COLEC12: variants seen among roughly 807,000 people sequenced by gnomAD.
The protein encoded by COLEC12 is collectin-12.
In COLEC12, 33 loss-of-function variants were observed where a neutral mutation model predicts 71.1. The ratio of observed to expected loss-of-function variants is 0.46; its 90% CI spans 0.35 to 0.62. The LOEUF (loss-of-function observed/expected upper bound fraction) is 0.62. Among genes scored for constraint, COLEC12 ranks in the 20% least tolerant of loss-of-function variants. COLEC12 has a pLI of 0.00. For missense variants in COLEC12, 765 were observed against 916.1 expected (o/e 0.84, Z 2.13); for synonymous variants, 350 against 353.0 (o/e 0.99, Z 0.10).
rs1413812255 is a variant in COLEC12, at chr18:375,963, T to C, written c.59-18441A>G. 5.9e-5 allele frequency among the ~76,000 whole-genome samples: 9 copies of C among 152,344 alleles called. No individual in the cohort carries two copies. In the South Asian group the frequency reaches 1.9e-3, roughly 32 times the overall value. On this transcript the variant is annotated intron_variant, in intron 2 of 9. Coordinates refer to ENST00000400256, the MANE Select transcript of COLEC12 (RefSeq NM_130386.3). ...GTTTTAAATTTTATGATGAAGGCAA[T>C]TGGGTAGTTATTACCATATCCATCT...
rs1200234849 is a variant in COLEC12, at chr18:362,232, T to C, written c.59-4710A>G. Among the ~76,000 whole-genome samples, 1 of 152,162 alleles carries C rather than the reference T, an allele frequency of 6.6e-6. No individual in the cohort carries two copies. The highest frequency in any genetic ancestry group is 1.5e-5 in the Non-Finnish European group (1 of 68,020). ...GGGGCACTTCCTCACCGTGTGCATTTCTCACTGCTGACTCTATCAGCATTT... is the reference window on the plus strand; with the variant it reads ...GGGGCACTTCCTCACCGTGTGCATTCCTCACTGCTGACTCTATCAGCATTT... On this transcript the variant is annotated intron_variant, in intron 2 of 9. Coordinates refer to ENST00000400256, the MANE Select transcript of COLEC12 (RefSeq NM_130386.3). The surrounding 1 kb of genome is among the most constrained non-coding windows in gnomAD (Gnocchi z 4.6).
chr18:461,839 T>G (rs1916989410), intron 2 of COLEC12, among the ~76,000 whole-genome samples: 1 of 152,196 alleles, frequency 6.6e-6, no homozygotes, highest in Non-Finnish European at 1.5e-5. Flanking sequence ...GGTACAGCAC[T>G]GCCCTGTACT....
At chr18:470,803 T>C (rs1487910438) in intron 2 of COLEC12, among the ~76,000 whole-genome samples, 1 of 152,194 alleles carries the variant, frequency 6.6e-6, no homozygotes, top group South Asian at 2.1e-4. Flanking sequence ...GGGAACAATA[T>C]AGTTATTTCT....
Position 381,052 on chromosome 18 carries a change from T to C in COLEC12, c.59-23530A>G, listed in dbSNP as rs575276266. Among the ~76,000 whole-genome samples the C allele has an allele frequency of 3.3e-5, 5 of 152,242 alleles. No homozygotes were observed. In the East Asian group the frequency reaches 9.7e-4, roughly 29 times the overall value. ...AAGAGCCACAGAATGTCAAAAGTGC[T>C]GAGAGAAGAAGTTGAGCCTTCTATA... On this transcript the variant is annotated intron_variant, in intron 2 of 9. Transcript: ENST00000400256.
At chr18:481,513 TGG>T (rs771408447) in intron 1 of COLEC12, among the ~76,000 whole-genome samples, 1,635 of 152,312 alleles carry the variant, frequency 0.011, 10 homozygotes, top group Non-Finnish European at 0.017. Context: ...GAGCCCAGCC[TGG>T]CCAACATGGT....
chr18:460,722 C>T (rs1445369396), intron 2 of COLEC12, among the ~76,000 whole-genome samples: 2 of 152,170 alleles, frequency 1.3e-5, no homozygotes, highest in African/African-American at 4.8e-5. Flanking sequence ...AAGGATGACC[C>T]AGTCACCAAC....
intron 2 of COLEC12, among the ~76,000 whole-genome samples, chr18:417,683 C>T (rs758387802): frequency 5.3e-5 from 8 of 152,260 alleles, no homozygotes; most frequent in Admixed American, 6.5e-5. Context: ...GTTAGAAACA[C>T]GATACACAGA....
At chr18:369,655 G>A (rs533355168) in intron 2 of COLEC12, among the ~76,000 whole-genome samples, 1 of 152,016 alleles carries the variant, frequency 6.6e-6, no homozygotes, top group South Asian at 2.1e-4. Flanking sequence ...ATGGAAACAA[G>A]GTAAATTTCA....
At chr18:389,980 T>C (rs927545885) in intron 2 of COLEC12, among the ~76,000 whole-genome samples, 2 of 152,376 alleles carry the variant, frequency 1.3e-5, no homozygotes, top group Middle Eastern at 3.4e-3. Context: ...GAGTGACTTT[T>C]GTTCTAATTT....
chr18:334,944 G>A lies in COLEC12; in HGVS notation c.1614C>T (p.Pro538=), dbSNP rs199637152. 27 of 1,570,204 alleles carry A rather than the reference G, an allele frequency of 1.7e-5. No homozygotes were observed. The highest frequency in any genetic ancestry group is 1.2e-4 in the East Asian group (5 of 42,668). Residue 538 remains proline (P), a synonymous_variant, in exon 6 of 10, where the codon CCC becomes CCT. Coordinates refer to ENST00000400256, the MANE Select transcript of COLEC12 (RefSeq NM_130386.3). Reference sequence around the variant, plus strand: ...GGAAGCCAGGAGGGCCCTGAGGGCCGGGGAGTCCCTCTTTGCCTGGTGGGC... The same window carrying A: ...GGAAGCCAGGAGGGCCCTGAGGGCCAGGGAGTCCCTCTTTGCCTGGTGGGC... ...PPGPPGKEGL[P]GPQGPPGFQG...
At chr18:369,436 T>TATTTTA (rs1201717552) in intron 2 of COLEC12, among the ~76,000 whole-genome samples, 1 of 129,142 alleles carries the variant, frequency 7.7e-6, no homozygotes, top group Non-Finnish European at 1.6e-5. Context: ...TTTTTATTTT[T>TATTTTA]TTTTGGAATA....
intron 8 of COLEC12, among the ~76,000 whole-genome samples, chr18:331,409 T>C (rs1486976383): frequency 6.6e-6 from 1 of 152,208 alleles, no homozygotes; most frequent in East Asian, 1.9e-4. Context: ...TGTGGTTTTA[T>C]GAGTTTCATG....
At chr18:358,081 A>G (rs1358307019) in intron 2 of COLEC12, among the ~76,000 whole-genome samples, 1 of 152,166 alleles carries the variant, frequency 6.6e-6, no homozygotes, top group Non-Finnish European at 1.5e-5. Flanking sequence ...ATGCCTGATG[A>G]TCTCAGGTGG....
intron 2 of COLEC12, among the ~76,000 whole-genome samples, chr18:406,910 C>T (rs1049065270): frequency 4.6e-5 from 7 of 152,242 alleles, no homozygotes; most frequent in African/African-American, 9.6e-5. Flanking sequence ...GGAGCGATGA[C>T]GGGACAATGT....
chr18:470,220 A>ATTTTTTTTTTTTTTTT (rs71174234), intron 2 of COLEC12, among the ~76,000 whole-genome samples: 1 of 92,354 alleles, frequency 1.1e-5, no homozygotes, highest in Non-Finnish European at 2.0e-5. Context: ...AGGCCAGGAA[A>ATTTTTTTTTTTTTTTT]TTTTTTTTTT....
chr18:400,300 G>A (rs1390414356), intron 2 of COLEC12, among the ~76,000 whole-genome samples: 1 of 152,128 alleles, frequency 6.6e-6, no homozygotes, highest in African/African-American at 2.4e-5. Flanking sequence ...GATCCTTTCA[G>A]GCTGTCATAG....
rs760407917 is a variant in COLEC12 at position 325,627 on chromosome 18, C to CTTTTTTTTTTTTTT, written c.2064-3834_2064-3821dup. ...TTACACCAAGAGTAAAAGGATCAGC[C>CTTTTTTTTTTTTTT]TTTTTTTTTTTTTTTTTTTTTTTTT... On this transcript the variant is annotated intron_variant, in intron 8 of 9. Transcript: ENST00000400256. 3.5e-4 allele frequency among the ~76,000 whole-genome samples: 18 copies of CTTTTTTTTTTTTTT among 51,842 alleles called. 2 individuals carry two copies. The highest frequency in any genetic ancestry group is 9.4e-4 in the African/African-American group (11 of 11,702). 34.0% of individuals were successfully genotyped at this position (51,842 alleles called of 152,430 possible).
At position 368,701 on chromosome 18, in the gene COLEC12, A is replaced by ACC. The variant is rs2143527756; in HGVS notation, c.59-11180_59-11179insGG. Among the ~76,000 whole-genome samples the ACC allele has an allele frequency of 6.4e-5, 8 of 125,078 alleles. No homozygotes were observed. The South Asian group carries it at 2.1e-3, about 32-fold the overall frequency. 82.1% of individuals were successfully genotyped at this position (125,078 alleles called of 152,430 possible). ...AACATGGTGAAACCCCGTCTCCACT[A>ACC]AAAAATACAAAAAAATTAGCCGGGC... On this transcript the variant is annotated intron_variant, in intron 2 of 9. Coordinates refer to ENST00000400256, the MANE Select transcript of COLEC12 (RefSeq NM_130386.3).
chr18:475,487 A>C (rs1442355681), intron 2 of COLEC12, among the ~76,000 whole-genome samples: 9 of 152,174 alleles, frequency 5.9e-5, no homozygotes, highest in Admixed American at 5.9e-4. Context: ...CCAGGCTTCC[A>C]GGAAGAGTCC....
Sources: allele counts gnomAD v4.1 joint callset (sites outside exome capture counted in the v4.1 genomes callset), GRCh38; gene constraint gnomAD v4.1.1; non-coding constraint Gnocchi (gnomAD v3.1); transcripts MANE v1.5; gene names NCBI Gene and HGNC (gene_info 2026-07-23, HGNC 2026-07-21).